The following EYS variants were observed in gnomAD, a reference collection of about 807,000 sequenced individuals.
EYS encodes protein eyes shut homolog.
Under a neutral mutation model 282.1 loss-of-function variants are expected in EYS, and 250 were observed. The ratio of observed to expected loss-of-function variants is 0.89; its 90% CI spans 0.80 to 0.98. The LOEUF is 0.98. Among genes scored for constraint, EYS ranks in the 50% least tolerant of loss-of-function variants. The pLI is 0.00. For missense variants in EYS, 4,016 were observed against 3,709.0 expected (o/e 1.08, Z -2.15); for synonymous variants, 1,355 against 1,282.9 (o/e 1.06, Z -1.20).
intron 8 of EYS, among the ~76,000 whole-genome samples, chr6:65,355,787 T>C (rs1224930696): frequency 1.3e-5 from 2 of 152,016 alleles, no homozygotes; most frequent in African/African-American, 2.4e-5. Context: ...GACATCATCT[T>C]ATACCAATCA....
chr6:64,313,551 C>T (rs577728035), intron 29 of EYS, among the ~76,000 whole-genome samples: 5 of 152,050 alleles, frequency 3.3e-5, no homozygotes, highest in South Asian at 2.1e-4. Flanking sequence ...AGATACTCCT[C>T]GAGAAGAGCA....
chr6:64,540,866 T>C lies in EYS; in HGVS notation c.5644+49357A>G, dbSNP rs977559306. Among the ~76,000 whole-genome samples the C allele has an allele frequency of 7.9e-5, 12 of 152,146 alleles. No homozygotes were observed. In the South Asian group the frequency reaches 2.3e-3, roughly 29 times the overall value. On this transcript the variant is annotated intron_variant, in intron 26 of 42. Transcript: ENST00000503581. ...GGCAATGTGCTATGGCAATAATATC[T>C]TCTGATTTGGGAAGTGAATATGATA...
At chr6:63,928,520 TTGACTGTGTGTG>T (rs1764787214) in intron 35 of EYS, among the ~76,000 whole-genome samples, 1 of 64,870 alleles carries the variant, frequency 1.5e-5, no homozygotes, top group African/African-American at 6.2e-5. Context: ...TGCTCACCTT[TTGACTGTGTGTG>T]TGTGTGTGTG....
intron 35 of EYS, among the ~76,000 whole-genome samples, chr6:63,871,655 C>T (rs930458761): frequency 9.2e-5 from 14 of 151,950 alleles, no homozygotes; most frequent in Non-Finnish European, 1.9e-4. Context: ...GAGTGAGACT[C>T]CATCTCAAAA....
intron 33 of EYS, among the ~76,000 whole-genome samples, chr6:64,053,373 A>G (rs960572164): frequency 5.3e-5 from 8 of 152,282 alleles, no homozygotes; most frequent in Admixed American, 4.6e-4. Flanking sequence ...AGAATTAAAA[A>G]CATAAGAAAA....
At chr6:65,263,299 C>A (rs948870671) in intron 12 of EYS, among the ~76,000 whole-genome samples, 13 of 151,994 alleles carry the variant, frequency 8.6e-5, no homozygotes, top group Non-Finnish European at 1.6e-4. Flanking sequence ...TATGATCGTG[C>A]CAATGTACTC....
At chr6:63,901,823 C>G (rs321493) in intron 35 of EYS, among the ~76,000 whole-genome samples, 74,457 of 151,772 alleles carry the variant, frequency 0.49, 20,316 homozygotes, top group Non-Finnish European at 0.6. Flanking sequence ...TTCAGCATCC[C>G]TAATCCAAAA....
At chr6:64,016,011 G>A (rs1582136210) in intron 33 of EYS, among the ~76,000 whole-genome samples, 1 of 152,156 alleles carries the variant, frequency 6.6e-6, no homozygotes, top group East Asian at 1.9e-4. Flanking sequence ...AAGGAACTAT[G>A]TTTTCTCCCA....
At chr6:64,741,698 T>C (rs995526788) in intron 22 of EYS, among the ~76,000 whole-genome samples, 1 of 152,236 alleles carries the variant, frequency 6.6e-6, no homozygotes, top group African/African-American at 2.4e-5. Context: ...TGTACTTTTA[T>C]GTTATGGAAA....
At chr6:64,342,229 T>G (rs1005433325) in intron 29 of EYS, among the ~76,000 whole-genome samples, 8 of 151,538 alleles carry the variant, frequency 5.3e-5, no homozygotes, top group Non-Finnish European at 7.4e-5. Flanking sequence ...TCCAATGTTT[T>G]AAAAATATAG....
intron 22 of EYS, among the ~76,000 whole-genome samples, chr6:64,749,773 G>T (rs1772681351): frequency 6.6e-6 from 1 of 152,108 alleles, no homozygotes; most frequent in African/African-American, 2.4e-5. Flanking sequence ...TGTCTACTCT[G>T]GAGTCCACAG....
intron 18 of EYS, among the ~76,000 whole-genome samples, chr6:64,896,552 T>G (rs1437750029): frequency 2.3e-4 from 34 of 150,596 alleles, no homozygotes; most frequent in South Asian, 6.3e-4. Flanking sequence ...GTTGTTTTTT[T>G]TTTTTTTTTT....
intron 13 of EYS, among the ~76,000 whole-genome samples, chr6:65,038,823 A>C (rs1218635996): frequency 1.3e-5 from 2 of 151,382 alleles, no homozygotes; most frequent in Non-Finnish European, 3.0e-5. Context: ...ATTAATCATA[A>C]GAATTTTTTA....
intron 30 of EYS, among the ~76,000 whole-genome samples, chr6:64,303,381 G>A (rs1769303155): frequency 6.6e-6 from 1 of 152,198 alleles, no homozygotes; most frequent in African/African-American, 2.4e-5. Flanking sequence ...AATACGAGCA[G>A]TGACCAGCAT....
chr6:64,203,572 C>G (rs867001523), intron 31 of EYS, among the ~76,000 whole-genome samples: 2 of 152,028 alleles, frequency 1.3e-5, no homozygotes, highest in African/African-American at 4.8e-5. Context: ...GGGATTATGC[C>G]AAAACTTCTG....
Position 64,558,001 on chromosome 6 carries a change from A to G in EYS, c.5644+32222T>C, listed in dbSNP as rs1228695223. On this transcript the variant is annotated intron_variant, in intron 26 of 42. Transcript: ENST00000503581. The stretch of plus-strand genomic sequence containing the variant: ...ACCATAGGAACATTTGTGATACTAC[A>G]GACACTTTCAACTAACTTAAAAAGA... Among the ~76,000 whole-genome samples the G allele has an allele frequency of 2.0e-5, 3 of 152,082 alleles. No homozygotes were observed. The East Asian group carries it at 5.8e-4, about 29-fold the overall frequency.
rs554928719 is a variant in EYS, at chr6:65,534,983, G to A, written c.-332-38990C>T. On this transcript the variant is annotated intron_variant, in intron 2 of 42. Coordinates refer to ENST00000503581, the MANE Select transcript of EYS (RefSeq NM_001142800.2). ...ATTGAATGAAAAATCATACTGATGA[G>A]AGACAGTCTGGAAAATGTGCTTGTA... Among the ~76,000 whole-genome samples, 10 of 152,194 alleles carry A rather than the reference G, an allele frequency of 6.6e-5. No individual in the cohort carries two copies. The East Asian group carries it at 1.9e-3, about 30-fold the overall frequency.
intron 29 of EYS, among the ~76,000 whole-genome samples, chr6:64,365,397 G>T (rs929639813): frequency 2.0e-5 from 3 of 151,972 alleles, no homozygotes; most frequent in African/African-American, 7.2e-5. Context: ...CTATCAACTA[G>T]AACATCACCA....
chr6:65,683,956 C>T (rs1436078791), intron 1 of EYS, among the ~76,000 whole-genome samples: 1 of 151,926 alleles, frequency 6.6e-6, no homozygotes, highest in Non-Finnish European at 1.5e-5. Flanking sequence ...TAATTTTGGA[C>T]CAAAGTTTTA....
Sources: allele counts gnomAD v4.1 joint callset (sites outside exome capture counted in the v4.1 genomes callset), GRCh38; gene constraint gnomAD v4.1.1; transcripts MANE v1.5; gene names NCBI Gene and HGNC (gene_info 2026-07-23, HGNC 2026-07-21).